VPS13B: variants seen among roughly 807,000 people sequenced by gnomAD.
The protein encoded by VPS13B is intermembrane lipid transfer protein VPS13B.
In VPS13B, 285 loss-of-function variants were observed where a neutral mutation model predicts 426.4. The ratio of observed to expected loss-of-function variants is 0.67; its 90% CI spans 0.61 to 0.74. The LOEUF (loss-of-function observed/expected upper bound fraction) is 0.74. Among genes scored for constraint, VPS13B ranks in the 30% least tolerant of loss-of-function variants. The pLI is 0.00. For missense variants in VPS13B, 4,537 were observed against 4,782.6 expected (o/e 0.95, Z 1.51); for synonymous variants, 1,676 against 1,676.4 (o/e 1.00, Z 0.01).
chr8:99,540,584 A>G (rs915787437), intron 30 of VPS13B, among the ~76,000 whole-genome samples: 3 of 152,154 alleles, frequency 2.0e-5, no homozygotes, highest in Non-Finnish European at 4.4e-5. Flanking sequence ...CCTTTTTCAC[A>G]AGACTTTCAT....
intron 16 of VPS13B, among the ~76,000 whole-genome samples, chr8:99,183,436 A>G (rs1813055133): frequency 6.6e-6 from 1 of 152,234 alleles, no homozygotes; most frequent in African/African-American, 2.4e-5. Flanking sequence ...GGAGATATGC[A>G]GCCTAGTAGT....
intron 30 of VPS13B, among the ~76,000 whole-genome samples, chr8:99,529,642 A>G (rs1822827286): frequency 6.6e-6 from 1 of 152,236 alleles, no homozygotes; most frequent in African/African-American, 2.4e-5. Flanking sequence ...CAAGTATATC[A>G]GCACAAATAG....
chr8:99,203,076 C>G (rs866983213), intron 17 of VPS13B, among the ~76,000 whole-genome samples: 2 of 151,114 alleles, frequency 1.3e-5, no homozygotes, highest in Non-Finnish European at 2.9e-5. Flanking sequence ...AAATTTCAGG[C>G]TGATATCCCT....
intron 21 of VPS13B, among the ~76,000 whole-genome samples, chr8:99,402,549 C>T (rs1400150122): frequency 6.6e-6 from 1 of 152,084 alleles, no homozygotes; most frequent in Non-Finnish European, 1.5e-5. Flanking sequence ...TGGTCCAAGG[C>T]CACCAGAGCA....
At chr8:99,289,289 A>G (rs1468790421) in intron 19 of VPS13B, among the ~76,000 whole-genome samples, 1 of 152,072 alleles carries the variant, frequency 6.6e-6, no homozygotes, top group African/African-American at 2.4e-5. Context: ...CTTCAGGTAA[A>G]ATAGGTTTAG....
At chr8:99,553,680 A>G (rs1294859682) in intron 30 of VPS13B, among the ~76,000 whole-genome samples, 1 of 152,082 alleles carries the variant, frequency 6.6e-6, no homozygotes, top group Non-Finnish European at 1.5e-5. Context: ...AAACTCACAT[A>G]AATCAGCTGC....
intron 2 of VPS13B, among the ~76,000 whole-genome samples, chr8:99,017,973 A>G (rs907951531): frequency 6.6e-6 from 1 of 152,194 alleles, no homozygotes; most frequent in Non-Finnish European, 1.5e-5. Flanking sequence ...ATTGCTTTTC[A>G]TATTTTTAGG....
At chr8:99,515,913 C>T (rs1376185964) in intron 29 of VPS13B, among the ~76,000 whole-genome samples, 1 of 151,972 alleles carries the variant, frequency 6.6e-6, no homozygotes, top group Non-Finnish European at 1.5e-5. Context: ...TTAATTAATA[C>T]ATTTTTTGTG....
chr8:99,028,886 C>T (rs1168901320), intron 2 of VPS13B, among the ~76,000 whole-genome samples: 2 of 27,814 alleles, frequency 7.2e-5, no homozygotes, highest in Non-Finnish European at 1.4e-4. Context: ...TGACCCCCCC[C>T]ACCTCCCTCC....
At chr8:99,452,618 A>G (rs1818251886) in intron 23 of VPS13B, among the ~76,000 whole-genome samples, 4 of 152,210 alleles carry the variant, frequency 2.6e-5, no homozygotes, top group Admixed American at 2.6e-4. Flanking sequence ...CTTAAGATCC[A>G]TAAACAATTG....
chr8:99,115,772 C>T lies in VPS13B; in HGVS notation c.835C>T (p.Gln279Ter). ...QQLPMFIRIM[Q>*]LGIALYYGEI... ...ACTGCCTATGTTTATTCGTATAATGCAACTTGGAATTGCTCTTTACTATGG... is the reference window on the plus strand; with the variant it reads ...ACTGCCTATGTTTATTCGTATAATGTAACTTGGAATTGCTCTTTACTATGG... Residue 279 changes from glutamine to a stop codon, truncating the protein, a stop_gained, in exon 7 of 62, where the codon CAA becomes TAA. Coordinates refer to ENST00000357162, the MANE Select transcript of VPS13B (RefSeq NM_152564.5). LOFTEE classifies it high-confidence loss of function. The T allele has an allele frequency of 6.2e-7, 1 of 1,613,544 alleles. No individual in the cohort carries two copies. The highest frequency in any genetic ancestry group is 8.5e-7 in the Non-Finnish European group (1 of 1,179,792).
At chr8:99,386,512 C>T (rs1814133117) in intron 20 of VPS13B, among the ~76,000 whole-genome samples, 1 of 151,968 alleles carries the variant, frequency 6.6e-6, no homozygotes, top group Non-Finnish European at 1.5e-5. Flanking sequence ...GTACTGAATA[C>T]CTTAGGCAAT....
chr8:99,867,691 G>C, intron 58 of VPS13B, among the ~76,000 whole-genome samples: 1 of 152,082 alleles, frequency 6.6e-6, no homozygotes, highest in Admixed American at 6.6e-5. Context: ...AGGAATATGA[G>C]GATCAAATGA....
chr8:99,041,065 T>A (rs1842944006), intron 3 of VPS13B, among the ~76,000 whole-genome samples: 1 of 152,194 alleles, frequency 6.6e-6, no homozygotes, highest in African/African-American at 2.4e-5. Context: ...ATGGTTTTAA[T>A]ATACTGCCTT....
At chr8:99,110,297 C>T (rs575403427) in intron 5 of VPS13B, among the ~76,000 whole-genome samples, 2 of 152,078 alleles carry the variant, frequency 1.3e-5, no homozygotes, top group Admixed American at 1.3e-4. Flanking sequence ...TAGATTTGGG[C>T]CTGATATTTA....
At chr8:99,538,999 G>A (rs1823409143) in intron 30 of VPS13B, among the ~76,000 whole-genome samples, 1 of 152,120 alleles carries the variant, frequency 6.6e-6, no homozygotes, top group Admixed American at 6.5e-5. Context: ...CCTCAGTGTA[G>A]CAATGTAGTG....
intron 16 of VPS13B, among the ~76,000 whole-genome samples, chr8:99,177,640 T>C (rs1014762731): frequency 6.6e-6 from 1 of 152,190 alleles, no homozygotes; most frequent in East Asian, 1.9e-4. Flanking sequence ...CCACATGGAA[T>C]TTTATGGTCA....
At chr8:99,345,686 A>C (rs1344741762) in intron 19 of VPS13B, among the ~76,000 whole-genome samples, 2 of 152,160 alleles carry the variant, frequency 1.3e-5, no homozygotes, top group Non-Finnish European at 2.9e-5. Flanking sequence ...CATGAGCAAA[A>C]GGTTATTTAA....
chr8:99,591,914 G>A (rs986124068), intron 33 of VPS13B, among the ~76,000 whole-genome samples: 1 of 152,060 alleles, frequency 6.6e-6, no homozygotes, highest in African/African-American at 2.4e-5. Context: ...GCTAGGTTGG[G>A]GAAGTTCTCC....
Sources: allele counts gnomAD v4.1 joint callset (sites outside exome capture counted in the v4.1 genomes callset), GRCh38; gene constraint gnomAD v4.1.1; transcripts MANE v1.5; gene names NCBI Gene and HGNC (gene_info 2026-07-23, HGNC 2026-07-21).